ANO2: variants seen among roughly 807,000 people sequenced by gnomAD.
ANO2 encodes the protein anoctamin 2.
In ANO2, 101 loss-of-function variants were observed where a neutral mutation model predicts 124.2. The ratio of observed to expected loss-of-function variants is 0.81; its 90% CI spans 0.69 to 0.96. The LOEUF is 0.96. Ranked by LOEUF, ANO2 falls within the 40% of genes least tolerant of loss-of-function variation. The probability of loss-of-function intolerance (pLI) is 0.00; values close to 1 mark genes in which losing one functional copy is unlikely to be tolerated. For synonymous variants in ANO2, 486 were observed against 482.5 expected (o/e 1.01, Z -0.09); for missense variants, 1,293 against 1,274.5 (o/e 1.01, Z -0.22).
chr12:5,886,291 T>G (rs1356910033), intron 3 of ANO2, among the ~76,000 whole-genome samples: 1 of 152,234 alleles, frequency 6.6e-6, no homozygotes, highest in Non-Finnish European at 1.5e-5. Flanking sequence ...GGAATACTAT[T>G]CAGCCTTAAA....
Position 5,717,498 on chromosome 12 carries a change from C to T in ANO2, c.1545+15022G>A, listed in dbSNP as rs531747658. Among the ~76,000 whole-genome samples, 9 of 152,292 alleles carry T rather than the reference C, an allele frequency of 5.9e-5. No individual in the cohort carries two copies. The South Asian group carries it at 1.9e-3, about 32-fold the overall frequency. On this transcript the variant is annotated intron_variant, in intron 14 of 24. Coordinates refer to ENST00000682330, the MANE Select transcript of ANO2 (RefSeq NM_001364791.2). ...CCTAGTTAAATTACAGATCACCTCC[C>T]TCCCTGCAACACCCTGATCCAGTTC... is the stretch of plus-strand genomic sequence containing the variant.
At chr12:5,857,497 G>A (rs1368886436) in intron 3 of ANO2, among the ~76,000 whole-genome samples, 1 of 152,158 alleles carries the variant, frequency 6.6e-6, no homozygotes, top group Non-Finnish European at 1.5e-5. Context: ...CCAGCAGTAT[G>A]TGAGAGTTCC....
intron 20 of ANO2, among the ~76,000 whole-genome samples, chr12:5,592,928 A>G (rs1301410032): frequency 6.6e-6 from 1 of 152,186 alleles, no homozygotes; most frequent in African/African-American, 2.4e-5. Context: ...AAGCGGCCAC[A>G]AGAGCTTTAA....
intron 4 of ANO2, among the ~76,000 whole-genome samples, chr12:5,833,618 G>A (rs1166998271): frequency 3.9e-5 from 6 of 152,178 alleles, no homozygotes; most frequent in Admixed American, 3.9e-4. Flanking sequence ...ACAACAGGAG[G>A]TGCGTGGTGG....
At chr12:5,748,415 G>C (rs1167007953) in intron 11 of ANO2, among the ~76,000 whole-genome samples, 1 of 152,148 alleles carries the variant, frequency 6.6e-6, no homozygotes, top group Non-Finnish European at 1.5e-5. Context: ...CCCACGTGAA[G>C]CTACTGAGTT....
At chr12:5,801,202 T>A (rs1213709905) in intron 9 of ANO2, among the ~76,000 whole-genome samples, 1 of 152,094 alleles carries the variant, frequency 6.6e-6, no homozygotes, top group Non-Finnish European at 1.5e-5. Context: ...ACCAAACACA[T>A]CAGGCCAGGC....
chr12:5,930,562 A>C (rs1274033767), intron 1 of ANO2, among the ~76,000 whole-genome samples: 2 of 152,108 alleles, frequency 1.3e-5, no homozygotes, highest in Non-Finnish European at 2.9e-5. Flanking sequence ...GCCCTGGTAG[A>C]AGCCTCAGAG....
intron 10 of ANO2, among the ~76,000 whole-genome samples, chr12:5,758,394 A>T (rs998590668): frequency 6.6e-5 from 10 of 152,204 alleles, no homozygotes; most frequent in African/African-American, 2.4e-4. Flanking sequence ...TAAGACTGAG[A>T]TAGGCATGAG....
At chr12:5,684,907 C>T (rs1258220717) in intron 14 of ANO2, among the ~76,000 whole-genome samples, 1 of 152,150 alleles carries the variant, frequency 6.6e-6, no homozygotes, top group East Asian at 1.9e-4. Context: ...TGCTTATTAG[C>T]CTGGGAGACT....
chr12:5,916,711 C>A (rs533371759), intron 3 of ANO2, among the ~76,000 whole-genome samples: 3 of 124,042 alleles, frequency 2.4e-5, no homozygotes, highest in Non-Finnish European at 5.4e-5. Flanking sequence ...ACAATAAAGT[C>A]TTTTTTTTAA....
At chr12:5,647,299 A>G (rs1282809652) in intron 15 of ANO2, among the ~76,000 whole-genome samples, 1 of 152,200 alleles carries the variant, frequency 6.6e-6, no homozygotes, top group Non-Finnish European at 1.5e-5. Flanking sequence ...ACCAAACTCT[A>G]AGGTAAAGCG....
intron 19 of ANO2, among the ~76,000 whole-genome samples, chr12:5,603,237 A>G (rs995538473): frequency 6.6e-6 from 1 of 152,224 alleles, no homozygotes; most frequent in Admixed American, 6.5e-5. Context: ...GTGACTAATA[A>G]GACATGTGAT....
intron 3 of ANO2, among the ~76,000 whole-genome samples, chr12:5,917,504 C>T (rs1467516167): frequency 6.6e-6 from 1 of 151,316 alleles, no homozygotes; most frequent in Non-Finnish European, 1.5e-5. Context: ...TATTTAGTTA[C>T]CTTGTTTCAT....
intron 10 of ANO2, among the ~76,000 whole-genome samples, chr12:5,771,166 C>T (rs1409483908): frequency 6.6e-6 from 1 of 152,218 alleles, no homozygotes; most frequent in Non-Finnish European, 1.5e-5. Flanking sequence ...TGGTGCATAG[C>T]AGTGGCTTAA....
chr12:5,708,219 C>T (rs776701024), intron 14 of ANO2, among the ~76,000 whole-genome samples: 19 of 152,214 alleles, frequency 1.2e-4, no homozygotes, highest in Non-Finnish European at 2.4e-4. Flanking sequence ...TCCTAGAAGA[C>T]ACTGTCATCA....
At chr12:5,719,125 T>C (rs1315851035) in intron 14 of ANO2, among the ~76,000 whole-genome samples, 1 of 152,238 alleles carries the variant, frequency 6.6e-6, no homozygotes, top group Admixed American at 6.5e-5. Context: ...GAGACCCTGA[T>C]ACCGTTAGTG....
At chr12:5,715,484 T>C (rs145126444) in intron 14 of ANO2, among the ~76,000 whole-genome samples, 4 of 152,164 alleles carry the variant, frequency 2.6e-5, no homozygotes, top group Admixed American at 6.5e-5. Context: ...CAGGATGAGA[T>C]AAATTTCTCC....
Position 5,925,696 on chromosome 12 carries a change from AAAG to A in ANO2, c.23-2895_23-2893del, listed in dbSNP as rs1360666843. Among the ~76,000 whole-genome samples the A allele has an allele frequency of 6.6e-6, 1 of 152,236 alleles. No homozygotes were observed. The highest frequency in any genetic ancestry group is 1.5e-5 in the Non-Finnish European group (1 of 68,044). ...CCCGTGGAACATGTCACCCATTTGG[AAAG>A]AATCTTTCCTTCCTTCACCGTTGCC... is the stretch of plus-strand genomic sequence containing the variant. On this transcript the variant is annotated intron_variant, in intron 1 of 24. Transcript: ENST00000682330. This position sits in a 1 kb window ranked among gnomAD's most constrained non-coding sequence, Gnocchi z 4.6.
intron 14 of ANO2, among the ~76,000 whole-genome samples, chr12:5,686,451 A>G (rs1948710571): frequency 1.3e-5 from 2 of 152,100 alleles, no homozygotes; most frequent in African/African-American, 2.4e-5. Context: ...GATAAAGCTG[A>G]CTCAATTCCC....
Sources: gnomAD v4.1 joint callset for allele counts (sites outside exome capture counted in the v4.1 genomes callset) on GRCh38, gnomAD v4.1.1 for gene constraint, Gnocchi (gnomAD v3.1) non-coding constraint, MANE v1.5 for transcripts, NCBI Gene and HGNC (gene_info 2026-07-23, HGNC 2026-07-21) for gene names.